The following LIN28B variants were observed in gnomAD, a reference collection of about 807,000 sequenced individuals.
LIN28B encodes the protein lin-28 RNA binding posttranscriptional regulator B, also known as protein lin-28 homolog B.
A neutral mutation model predicts 21.9 loss-of-function variants in LIN28B; 5 were observed. The observed-to-expected ratio is 0.23, with a 90% CI of 0.12 to 0.48. The LOEUF is 0.48. Ranked by LOEUF, LIN28B falls within the 20% of genes least tolerant of loss-of-function variation. The pLI, the probability that LIN28B is intolerant of heterozygous loss-of-function variation, is 0.98. For missense variants in LIN28B, 245 were observed against 310.5 expected, an observed-to-expected ratio of 0.79 and a Z score of 1.58; for synonymous variants, 109 against 111.3, an observed-to-expected ratio of 0.98 and a Z score of 0.13.
upstream of LIN28B, among the ~76,000 whole-genome samples, chr6:104,955,284 A>G (rs932401154): frequency 6.6e-6 from 1 of 152,120 alleles, no homozygotes; most frequent in African/African-American, 2.4e-5. Flanking sequence ...AGCTTTTGTT[A>G]AACTTTCAAA....
At chr6:105,020,747 C>CTTTTTTTT (rs1176851045) in intron 2 of LIN28B, among the ~76,000 whole-genome samples, 2 of 85,386 alleles carry the variant, frequency 2.3e-5, no homozygotes, top group Non-Finnish European at 2.1e-5. Flanking sequence ...TCATTCCACT[C>CTTTTTTTT]TTTTTTTTTT....
intron 3 of LIN28B, among the ~76,000 whole-genome samples, chr6:105,052,798 C>G (rs1415196969): frequency 6.6e-6 from 1 of 152,054 alleles, no homozygotes; most frequent in Non-Finnish European, 1.5e-5. Flanking sequence ...ATCATTCTAA[C>G]TAGGAGTTTA....
chr6:105,024,281 C>T lies in LIN28B; in HGVS notation c.199-2017C>T, dbSNP rs559875724. Among the ~76,000 whole-genome samples the T allele has an allele frequency of 7.2e-5, 11 of 152,078 alleles. No homozygotes were observed. The East Asian group carries it at 1.4e-3, about 19-fold the overall frequency. Reference sequence around the variant, plus strand: ...TGCTGGGATTACAGGTGTGAGCTACCGCGCTTAGCCCAGTGATAGAGTTTT... The same window carrying T: ...TGCTGGGATTACAGGTGTGAGCTACTGCGCTTAGCCCAGTGATAGAGTTTT... On this transcript the variant is annotated intron_variant, in intron 2 of 3. Transcript: ENST00000345080.
chr6:105,067,440 G>A (rs960448405), intron 3 of LIN28B, among the ~76,000 whole-genome samples: 1 of 152,144 alleles, frequency 6.6e-6, no homozygotes, highest in African/African-American at 2.4e-5. Context: ...GTTGTCTTGG[G>A]TTCTGAAAGC....
At position 105,020,175 on chromosome 6, in the gene LIN28B, G is replaced by A. The variant is rs564852495; in HGVS notation, c.199-6123G>A. On this transcript the variant is annotated intron_variant, in intron 2 of 3. Coordinates refer to ENST00000345080, the MANE Select transcript of LIN28B (RefSeq NM_001004317.4). ...GTTGCCCAGGTTGGAGTGCAGTGGC[G>A]TAATCGTGGGTAGGTGCAACCTTGA... Among the ~76,000 whole-genome samples, 21 of 143,430 alleles carry A rather than the reference G, an allele frequency of 1.5e-4. No individual in the cohort carries two copies. In the South Asian group the frequency reaches 3.7e-3, roughly 26 times the overall value. The allele number at this position is 143,430 out of a possible 152,430, so 94.1% of individuals were successfully genotyped here. A position where few individuals can be genotyped will look rare whatever the true frequency, so the allele number is the denominator to read the frequency against.
At chr6:104,953,028 T>C (rs1432199754), upstream of LIN28B, among the ~76,000 whole-genome samples, 1 of 152,208 alleles carries the variant, frequency 6.6e-6, no homozygotes, top group Non-Finnish European at 1.5e-5. Flanking sequence ...TTTGTCTCCA[T>C]GTCGTAGGAA....
At chr6:105,045,284 G>GTTTTT (rs57205680) in intron 3 of LIN28B, among the ~76,000 whole-genome samples, 9 of 116,812 alleles carry the variant, frequency 7.7e-5, no homozygotes, top group African/African-American at 3.0e-4. Flanking sequence ...ATGTCATTCT[G>GTTTTT]TTTTTTTTTT....
At chr6:105,044,479 T>C (rs1771701595) in intron 3 of LIN28B, among the ~76,000 whole-genome samples, 1 of 152,202 alleles carries the variant, frequency 6.6e-6, no homozygotes, top group Admixed American at 6.5e-5. Context: ...GGTATTTTTA[T>C]AGGAATTCAA....
chr6:105,026,243 G>A lies in LIN28B; in HGVS notation c.199-55G>A, dbSNP rs1771285002. 5 of 895,732 alleles carry A rather than the reference G, an allele frequency of 5.6e-6. No homozygotes were observed. In the South Asian group the frequency reaches 9.6e-5, roughly 17 times the overall value. The allele number at this position is 895,732 out of a possible 1,614,324, so 55.5% of individuals were successfully genotyped here. On this transcript the variant is annotated intron_variant, in intron 2 of 3. Transcript: ENST00000345080. ...TAAAATTATAGAGATAATTTATAAA[G>A]CAATGATAATTTTAATCTCTCTTTT... is the stretch of plus-strand genomic sequence containing the variant.
At chr6:105,076,261 T>G (rs1772423250) in intron 3 of LIN28B, among the ~76,000 whole-genome samples, 2 of 152,154 alleles carry the variant, frequency 1.3e-5, no homozygotes. Flanking sequence ...TATGATTCAG[T>G]CTGTCCTAAG....
intron 2 of LIN28B, among the ~76,000 whole-genome samples, chr6:104,976,024 T>C (rs1444882855): frequency 6.6e-6 from 1 of 152,096 alleles, no homozygotes; most frequent in Non-Finnish European, 1.5e-5. Flanking sequence ...ATAGAATGGC[T>C]GATTGCCTAA....
At chr6:104,954,307 GAA>G (rs1778257806), upstream of LIN28B, among the ~76,000 whole-genome samples, 1 of 152,152 alleles carries the variant, frequency 6.6e-6, no homozygotes, top group Non-Finnish European at 1.5e-5. Flanking sequence ...TTCTGTGAAA[GAA>G]GCACTCTAGG....
At chr6:104,999,797 C>T (rs1384865318) in intron 2 of LIN28B, among the ~76,000 whole-genome samples, 3 of 152,094 alleles carry the variant, frequency 2.0e-5, no homozygotes, top group Non-Finnish European at 4.4e-5. Flanking sequence ...TCTCCTGCCT[C>T]AGCCCCCGGA....
At position 105,058,726 on chromosome 6, in the gene LIN28B, T is replaced by C. The variant is rs529787533; in HGVS notation, c.384-19688T>C. Among the ~76,000 whole-genome samples the C allele has an allele frequency of 6.6e-5, 10 of 152,340 alleles. No homozygotes were observed. The East Asian group carries it at 1.9e-3, about 29-fold the overall frequency. On this transcript the variant is annotated intron_variant, in intron 3 of 3. Coordinates refer to ENST00000345080, the MANE Select transcript of LIN28B (RefSeq NM_001004317.4). ...ATTTTATATGCTACTTTGAAGGAAA[T>C]GAAGTGTATTTTTGTATGTAATGTA...
intron 2 of LIN28B, among the ~76,000 whole-genome samples, chr6:104,964,580 A>G (rs1362620297): frequency 7.5e-6 from 1 of 132,752 alleles, no homozygotes; most frequent in Non-Finnish European, 1.8e-5. Context: ...TACCATATAC[A>G]ATGCATAAGA....
chr6:105,077,822 C>T (rs921202531), intron 3 of LIN28B, among the ~76,000 whole-genome samples: 2 of 152,140 alleles, frequency 1.3e-5, no homozygotes, highest in Non-Finnish European at 2.9e-5. Flanking sequence ...TGACTAGACT[C>T]TGACTTTCTT....
In LIN28B at chr6:105,080,154, A is replaced by G. The variant is rs1419136158; in HGVS notation, c.*1371A>G. The G allele has an allele frequency of 6.6e-6, 1 of 152,592 alleles. No individual in the cohort carries two copies. The highest frequency in any genetic ancestry group is 1.5e-5 in the Non-Finnish European group (1 of 68,042). 9.5% of individuals were successfully genotyped at this position (152,592 alleles called of 1,614,324 possible). A position where few individuals can be genotyped will look rare whatever the true frequency, so the allele number is the denominator to read the frequency against. Reference sequence around the variant, plus strand: ...TCTCAGGTTGGTTCTCGTTAGAGTGATAAACTGGCTAGGGGCCATAGTATT... The same window carrying G: ...TCTCAGGTTGGTTCTCGTTAGAGTGGTAAACTGGCTAGGGGCCATAGTATT... On this transcript the variant is annotated 3_prime_UTR_variant, in exon 4 of 4. Transcript: ENST00000345080.
chr6:105,072,003 G>A (rs1772341734), intron 3 of LIN28B, among the ~76,000 whole-genome samples: 1 of 152,010 alleles, frequency 6.6e-6, no homozygotes, highest in South Asian at 2.1e-4. Context: ...CCAGTCTTTT[G>A]TTTTATAGAT....
intron 2 of LIN28B, among the ~76,000 whole-genome samples, chr6:104,941,701 A>G (rs1026658793): frequency 2.0e-5 from 3 of 152,138 alleles, no homozygotes; most frequent in Non-Finnish European, 4.4e-5. Context: ...AAAATTAAGG[A>G]TTTTGAAAAG....
Sources: gnomAD v4.1 joint callset for allele counts (sites outside exome capture counted in the v4.1 genomes callset) on GRCh38, gnomAD v4.1.1 for gene constraint, MANE v1.5 for transcripts, NCBI Gene and HGNC (gene_info 2026-07-23, HGNC 2026-07-21) for gene names.